The following AGBL4 variants were observed in gnomAD, a reference collection of about 807,000 sequenced individuals.
The protein encoded by AGBL4 is AGBL carboxypeptidase 4, also known as cytosolic carboxypeptidase 6.
A neutral mutation model predicts 66.4 loss-of-function variants in AGBL4; 58 were observed. The observed-to-expected ratio is 0.87, with a 90% confidence interval of 0.71 to 1.09. The LOEUF is 1.09. Among genes scored for constraint, AGBL4 ranks in the 50% least tolerant of loss-of-function variants. AGBL4 has a pLI of 0.00. For missense variants in AGBL4, 579 were observed against 631.0 expected, an observed-to-expected ratio of 0.92 and a Z score of 0.88; for synonymous variants, 234 against 222.9, an observed-to-expected ratio of 1.05 and a Z score of -0.44.
At chr1:49,774,034 G>A (rs555266717) in intron 2 of AGBL4, among the ~76,000 whole-genome samples, 133 of 152,340 alleles carry the variant, frequency 8.7e-4, no homozygotes, top group African/African-American at 3.1e-3. Flanking sequence ...TGGCCTCAAA[G>A]CAGGACACAC....
At chr1:49,459,963 T>A (rs551335608) in intron 3 of AGBL4, among the ~76,000 whole-genome samples, 3 of 151,572 alleles carry the variant, frequency 2.0e-5, no homozygotes, top group South Asian at 2.1e-4. Context: ...TTTATTGCAC[T>A]GTGGTCTGAG....
At chr1:49,100,060 G>A (rs1378056225) in intron 4 of AGBL4, among the ~76,000 whole-genome samples, 1 of 152,176 alleles carries the variant, frequency 6.6e-6, no homozygotes, top group African/African-American at 2.4e-5. Context: ...CAGCAGGTCA[G>A]ATTCTCCATG....
At chr1:49,079,978 T>A (rs17105475) in intron 4 of AGBL4, among the ~76,000 whole-genome samples, 6,849 of 152,288 alleles carry the variant, frequency 0.045, 211 homozygotes, top group East Asian at 0.11. Flanking sequence ...GAAGAGAAGG[T>A]ATTTTCTGAG....
At chr1:48,776,122 A>C (rs1645066654) in intron 6 of AGBL4, among the ~76,000 whole-genome samples, 1 of 152,188 alleles carries the variant, frequency 6.6e-6, no homozygotes, top group South Asian at 2.1e-4. Flanking sequence ...AGATCTGACA[A>C]TATCCTTCTT....
At chr1:49,011,216 C>T (rs1364362201) in intron 5 of AGBL4, among the ~76,000 whole-genome samples, 3 of 151,930 alleles carry the variant, frequency 2.0e-5, no homozygotes, top group Non-Finnish European at 2.9e-5. Context: ...AAAAAGTGGG[C>T]AAAGGACATG....
chr1:49,904,743 A>G (rs1317438890), intron 1 of AGBL4, among the ~76,000 whole-genome samples: 1 of 152,228 alleles, frequency 6.6e-6, no homozygotes, highest in African/African-American at 2.4e-5. Flanking sequence ...CAGAGAAGGT[A>G]AACAATCAGC....
intron 5 of AGBL4, among the ~76,000 whole-genome samples, chr1:48,901,129 T>A (rs539428655): frequency 6.6e-6 from 1 of 152,284 alleles, no homozygotes; most frequent in South Asian, 2.1e-4. Flanking sequence ...AGGCTCAATA[T>A]CATTAGTCAT....
intron 6 of AGBL4, among the ~76,000 whole-genome samples, chr1:48,744,452 T>C (rs551704573): frequency 5.8e-4 from 88 of 152,282 alleles, no homozygotes; most frequent in African/African-American, 2.1e-3. Flanking sequence ...CTAAAGCACA[T>C]AGCTGAGTTG....
intron 5 of AGBL4, among the ~76,000 whole-genome samples, chr1:48,961,109 G>A (rs899470102): frequency 2.0e-4 from 31 of 151,270 alleles, no homozygotes; most frequent in Admixed American, 9.9e-4. Flanking sequence ...GTGTGTGTGC[G>A]TGTATGTGTG....
At chr1:48,880,667 A>G (rs1649690736) in intron 5 of AGBL4, among the ~76,000 whole-genome samples, 1 of 152,088 alleles carries the variant, frequency 6.6e-6, no homozygotes, top group Non-Finnish European at 1.5e-5. Flanking sequence ...TTCTTGCAGG[A>G]GTAAGGTGGT....
At chr1:48,789,292 A>ATTT (rs1314865386) in intron 6 of AGBL4, among the ~76,000 whole-genome samples, 9 of 110,896 alleles carry the variant, frequency 8.1e-5, no homozygotes, top group African/African-American at 1.9e-4. Context: ...ATATATATAT[A>ATTT]TATTTTTTTT....
At chr1:49,687,771 T>C (rs551201543) in intron 3 of AGBL4, among the ~76,000 whole-genome samples, 89 of 151,390 alleles carry the variant, frequency 5.9e-4, no homozygotes, top group Non-Finnish European at 1.0e-4. Context: ...TAAAAGCCTA[T>C]CTAAAAAAAA....
At chr1:48,649,975 A>G (rs1645900529) in intron 8 of AGBL4, among the ~76,000 whole-genome samples, 1 of 152,238 alleles carries the variant, frequency 6.6e-6, no homozygotes, top group Non-Finnish European at 1.5e-5. Context: ...GTAGAGCAGA[A>G]TTGAAATCTG....
chr1:49,904,729 C>T (rs1396840212), intron 1 of AGBL4, among the ~76,000 whole-genome samples: 1 of 152,158 alleles, frequency 6.6e-6, no homozygotes, highest in Non-Finnish European at 1.5e-5. Flanking sequence ...AAACTGATTT[C>T]TTACAGAGAA....
At chr1:49,624,081 A>T (rs979601284) in intron 3 of AGBL4, among the ~76,000 whole-genome samples, 7 of 151,864 alleles carry the variant, frequency 4.6e-5, no homozygotes, top group African/African-American at 1.5e-4. Context: ...TTAGCACAGT[A>T]ACAACTATAC....
intron 2 of AGBL4, among the ~76,000 whole-genome samples, chr1:49,792,993 A>G (rs185892915): frequency 8.5e-5 from 13 of 152,208 alleles, no homozygotes; most frequent in Admixed American, 5.2e-4. Flanking sequence ...GTGCATACAT[A>G]AAAGCTTTTA....
chr1:49,005,876 C>T (rs1327643297), intron 5 of AGBL4, among the ~76,000 whole-genome samples: 1 of 152,098 alleles, frequency 6.6e-6, no homozygotes, highest in African/African-American at 2.4e-5. Context: ...TGGTGTGTGC[C>T]TGTAATCCCA....
intron 11 of AGBL4, among the ~76,000 whole-genome samples, chr1:48,551,925 G>A (rs187366165): frequency 6.6e-6 from 1 of 152,202 alleles, no homozygotes; most frequent in Admixed American, 6.5e-5. Flanking sequence ...AGGCTGGTGG[G>A]CTAGATCAGA....
chr1:49,169,063 T>A (rs1455522481), intron 4 of AGBL4, among the ~76,000 whole-genome samples: 1 of 152,210 alleles, frequency 6.6e-6, no homozygotes, highest in Non-Finnish European at 1.5e-5. Context: ...ATTCCCTTTT[T>A]GTCTCACTCT....
Sources: gnomAD v4.1 joint callset for allele counts (sites outside exome capture counted in the v4.1 genomes callset) on GRCh38, gnomAD v4.1.1 for gene constraint, MANE v1.5 for transcripts, NCBI Gene and HGNC (gene_info 2026-07-23, HGNC 2026-07-21) for gene names.